The following GRID2 variants were observed in gnomAD, a reference collection of about 807,000 sequenced individuals.
GRID2 encodes the protein glutamate receptor ionotropic, delta-2.
A neutral mutation model predicts 114.8 loss-of-function variants in GRID2; 33 were observed. The ratio of observed to expected loss-of-function variants is 0.29; its 90% CI spans 0.22 to 0.38. The LOEUF is 0.38. GRID2 is among the 10% of genes least tolerant of loss of function. The pLI is 1.00. For missense variants in GRID2, 1,184 were observed against 1,257.7 expected (o/e 0.94, Z 0.89); for synonymous variants, 505 against 449.9 (o/e 1.12, Z -1.55).
chr4:93,078,698 T>C (rs900790372), intron 2 of GRID2, among the ~76,000 whole-genome samples: 8 of 147,070 alleles, frequency 5.4e-5, no homozygotes, highest in South Asian at 2.1e-4. Context: ...AATATAATTA[T>C]ATTTATATAC....
chr4:93,131,846 T>C (rs1734835149), intron 4 of GRID2, among the ~76,000 whole-genome samples: 1 of 152,156 alleles, frequency 6.6e-6, no homozygotes, highest in South Asian at 2.1e-4. Flanking sequence ...ATCTGTTTTT[T>C]CTTTTTCCTA....
At chr4:92,788,689 G>A (rs1258885331) in intron 2 of GRID2, among the ~76,000 whole-genome samples, 1 of 151,616 alleles carries the variant, frequency 6.6e-6, no homozygotes, top group Non-Finnish European at 1.5e-5. Context: ...CTACAAATCA[G>A]ATTGAACACT....
chr4:93,504,675 G>T (rs752129865), intron 12 of GRID2, among the ~76,000 whole-genome samples: 1 of 151,928 alleles, frequency 6.6e-6, no homozygotes, highest in Non-Finnish European at 1.5e-5. Context: ...CTGAAATGTG[G>T]CATTAGTGTT....
At chr4:92,782,448 T>C (rs1233156394) in intron 2 of GRID2, among the ~76,000 whole-genome samples, 1 of 152,128 alleles carries the variant, frequency 6.6e-6, no homozygotes, top group African/African-American at 2.4e-5. Context: ...CTTTATATTA[T>C]ATACATATGT....
intron 8 of GRID2, among the ~76,000 whole-genome samples, chr4:93,287,616 G>T (rs1225987426): frequency 6.6e-6 from 1 of 152,066 alleles, no homozygotes; most frequent in Non-Finnish European, 1.5e-5. Context: ...TTAATGAAAG[G>T]ACAGTTGCTT....
At chr4:93,718,818 A>G (rs1368523636) in intron 14 of GRID2, among the ~76,000 whole-genome samples, 2 of 152,148 alleles carry the variant, frequency 1.3e-5, no homozygotes, top group South Asian at 4.1e-4. Context: ...TTGTAAGATG[A>G]TGGTCAAATC....
intron 14 of GRID2, among the ~76,000 whole-genome samples, chr4:93,700,824 G>A (rs559524522): frequency 1.3e-5 from 2 of 152,210 alleles, no homozygotes; most frequent in East Asian, 3.9e-4. Flanking sequence ...TTTGGAAGGG[G>A]ATTGCACGTG....
chr4:93,638,043 T>C (rs1025496312), intron 14 of GRID2, among the ~76,000 whole-genome samples: 1 of 152,160 alleles, frequency 6.6e-6, no homozygotes, highest in African/African-American at 2.4e-5. Context: ...CATTATTCTA[T>C]ATAGCCCAGG....
At chr4:93,796,500 G>C (rs1299982453) in intron 1 of GRID2, among the ~76,000 whole-genome samples, 3 of 152,154 alleles carry the variant, frequency 2.0e-5, no homozygotes, top group Non-Finnish European at 2.9e-5. Flanking sequence ...TGAGATTACA[G>C]GGCACAGAAG....
intron 2 of GRID2, among the ~76,000 whole-genome samples, chr4:92,959,326 G>A (rs1023385713): frequency 5.9e-5 from 9 of 151,714 alleles, no homozygotes; most frequent in Admixed American, 4.6e-4. Context: ...TACAATCAAT[G>A]TTATAAATAT....
intron 1 of GRID2, among the ~76,000 whole-genome samples, chr4:92,558,966 G>T (rs958175363): frequency 3.3e-5 from 5 of 152,064 alleles, no homozygotes; most frequent in Non-Finnish European, 7.4e-5. Flanking sequence ...AATTTACTGT[G>T]ACTGGAAACC....
At chr4:93,521,137 A>T (rs941617135) in intron 13 of GRID2, among the ~76,000 whole-genome samples, 1 of 152,144 alleles carries the variant, frequency 6.6e-6, no homozygotes, top group Non-Finnish European at 1.5e-5. Context: ...TCTTTGGCTT[A>T]CGTAGGTGGA....
chr4:93,516,810 T>C (rs552455825), intron 13 of GRID2, among the ~76,000 whole-genome samples: 1 of 152,158 alleles, frequency 6.6e-6, no homozygotes, highest in Non-Finnish European at 1.5e-5. Context: ...ATGAGTTATT[T>C]TCCTTTATAT....
At chr4:93,516,593 G>C (rs1439057890) in intron 13 of GRID2, among the ~76,000 whole-genome samples, 1 of 152,022 alleles carries the variant, frequency 6.6e-6, no homozygotes, top group Admixed American at 6.6e-5. Flanking sequence ...ATATTTCTTG[G>C]CTTTCTCCAA....
intron 1 of GRID2, among the ~76,000 whole-genome samples, chr4:92,587,960 T>C (rs1728527868): frequency 6.6e-6 from 1 of 152,222 alleles, no homozygotes; most frequent in African/African-American, 2.4e-5. Flanking sequence ...GAAACATCTT[T>C]GTATAAACAC....
chr4:93,697,551 C>A (rs1311516407), intron 14 of GRID2, among the ~76,000 whole-genome samples: 1 of 151,930 alleles, frequency 6.6e-6, no homozygotes, highest in Non-Finnish European at 1.5e-5. Context: ...AATCAATTAT[C>A]ATCCATATTT....
At chr4:93,527,353 G>A (rs1731015957) in intron 13 of GRID2, among the ~76,000 whole-genome samples, 1 of 152,094 alleles carries the variant, frequency 6.6e-6, no homozygotes, top group South Asian at 2.1e-4. Context: ...TCTGGCGCCA[G>A]CTTTGCCTAG....
intron 2 of GRID2, among the ~76,000 whole-genome samples, chr4:92,836,070 C>A (rs1339750674): frequency 6.6e-6 from 1 of 152,120 alleles, no homozygotes; most frequent in African/African-American, 2.4e-5. Flanking sequence ...CCAGTATCTT[C>A]TTTTTGTAAA....
intron 2 of GRID2, among the ~76,000 whole-genome samples, chr4:92,758,112 A>G (rs957848050): frequency 6.6e-6 from 1 of 152,100 alleles, no homozygotes; most frequent in Non-Finnish European, 1.5e-5. Context: ...AAACATTTAA[A>G]CATGGAGGTA....
Sources: allele counts gnomAD v4.1 joint callset (sites outside exome capture counted in the v4.1 genomes callset), GRCh38; gene constraint gnomAD v4.1.1; transcripts MANE v1.5; gene names NCBI Gene and HGNC (gene_info 2026-07-23, HGNC 2026-07-21).